Variants in APBB2 observed in about 807,000 individuals in gnomAD.
The protein encoded by APBB2 is Fe65-like 1.
Under a neutral mutation model 82.5 loss-of-function variants are expected in APBB2, and 38 were observed. The observed-to-expected ratio is 0.46, with a 90% CI of 0.36 to 0.60. The LOEUF (loss-of-function observed/expected upper bound fraction) is 0.60, where lower values mean the gene tolerates loss of function less well. Among genes scored for constraint, APBB2 ranks in the 20% least tolerant of loss-of-function variants. The probability of loss-of-function intolerance (pLI) is 0.00; values close to 1 mark genes in which losing one functional copy is unlikely to be tolerated. For synonymous variants in APBB2, 341 were observed against 368.2 expected, an observed-to-expected ratio of 0.93 and a Z score of 0.85; for missense variants, 772 against 972.3, an observed-to-expected ratio of 0.79 and a Z score of 2.74.
chr4:40,960,868 C>T (rs1456178663), intron 6 of APBB2, among the ~76,000 whole-genome samples: 1 of 152,104 alleles, frequency 6.6e-6, no homozygotes, highest in Non-Finnish European at 1.5e-5. Context: ...CATTTCCCAG[C>T]CTCCCTTGCA....
At chr4:40,908,119 G>A (rs933994398) in intron 10 of APBB2, among the ~76,000 whole-genome samples, 2 of 151,866 alleles carry the variant, frequency 1.3e-5, no homozygotes, top group African/African-American at 4.8e-5. Flanking sequence ...CTTATAAGAG[G>A]AGGAAGAGAC....
intron 5 of APBB2, among the ~76,000 whole-genome samples, chr4:41,028,125 C>A (rs1715209994): frequency 6.6e-6 from 1 of 152,254 alleles, no homozygotes. Context: ...CCTTCCCCTA[C>A]ACCCATTCAA....
chr4:40,898,845 ACACACACACT>A (rs1461040478), intron 10 of APBB2, among the ~76,000 whole-genome samples: 2 of 103,480 alleles, frequency 1.9e-5, no homozygotes, highest in African/African-American at 3.3e-5. Context: ...AAAAAGAAAC[ACACACACACT>A]CACACACACA....
chr4:41,159,980 A>G (rs1432272159), intron 1 of APBB2, among the ~76,000 whole-genome samples: 5 of 135,464 alleles, frequency 3.7e-5, no homozygotes, highest in Admixed American at 7.1e-5. Context: ...AAGAAGAAGA[A>G]GAAGAAGAAG....
chr4:41,015,990 T>TTTC (rs1288907024), intron 5 of APBB2, among the ~76,000 whole-genome samples: 14 of 152,240 alleles, frequency 9.2e-5, no homozygotes, highest in Admixed American at 6.5e-5. Context: ...GGGAAACATG[T>TTTC]TTCAATTTAT....
chr4:41,053,022 T>A (rs1310508744), intron 4 of APBB2, among the ~76,000 whole-genome samples: 1 of 152,136 alleles, frequency 6.6e-6, no homozygotes, highest in Non-Finnish European at 1.5e-5. Flanking sequence ...GCCTTGGCCT[T>A]CCAAAGTGCT....
intron 5 of APBB2, among the ~76,000 whole-genome samples, chr4:41,028,873 C>T (rs982318815): frequency 9.2e-5 from 14 of 152,206 alleles, no homozygotes; most frequent in African/African-American, 3.1e-4. Flanking sequence ...CTAATACAAA[C>T]CTGTGCTGCA....
At chr4:41,205,434 T>A (rs1200677968) in intron 1 of APBB2, among the ~76,000 whole-genome samples, 1 of 152,176 alleles carries the variant, frequency 6.6e-6, no homozygotes, top group Non-Finnish European at 1.5e-5. Flanking sequence ...AGGAAAATCA[T>A]AAATATAATT....
intron 6 of APBB2, among the ~76,000 whole-genome samples, chr4:41,004,937 A>AGG (rs1022067175): frequency 5.9e-5 from 9 of 152,010 alleles, no homozygotes; most frequent in Non-Finnish European, 1.3e-4. Context: ...GAACAAATTC[A>AGG]CAAATTCTTG....
intron 12 of APBB2, among the ~76,000 whole-genome samples, chr4:40,869,641 G>T (rs986572024): frequency 2.0e-5 from 3 of 152,000 alleles, no homozygotes; most frequent in Non-Finnish European, 4.4e-5. Flanking sequence ...TAAAGGGACC[G>T]CTCTATAAAC....
intron 2 of APBB2, among the ~76,000 whole-genome samples, chr4:41,105,885 CAA>C (rs34109241): frequency 1.6e-4 from 18 of 114,464 alleles, no homozygotes; most frequent in Middle Eastern, 5.2e-3. Flanking sequence ...GACCCCGTCT[CAA>C]AAAAAAAAAA....
At chr4:41,205,817 AATT>A (rs1321689739) in intron 1 of APBB2, among the ~76,000 whole-genome samples, 2 of 152,208 alleles carry the variant, frequency 1.3e-5, no homozygotes, top group Non-Finnish European at 2.9e-5. Context: ...ATATAAGCAC[AATT>A]AGTATTCCTA....
At chr4:40,950,210 C>A (rs929435368) in intron 6 of APBB2, among the ~76,000 whole-genome samples, 4 of 152,208 alleles carry the variant, frequency 2.6e-5, no homozygotes, top group African/African-American at 9.6e-5. Flanking sequence ...GCATGTAGAA[C>A]AACAGGATCT....
chr4:40,871,140 C>T (rs1424275870), intron 12 of APBB2, among the ~76,000 whole-genome samples: 7 of 152,050 alleles, frequency 4.6e-5, no homozygotes, highest in South Asian at 2.1e-4. Context: ...CCTACTACCC[C>T]GCACCCGTTT....
chr4:40,946,255 C>G (rs7377846), intron 6 of APBB2, among the ~76,000 whole-genome samples: 51,025 of 101,478 alleles, frequency 0.5, 11,657 homozygotes, highest in Non-Finnish European at 0.58. Flanking sequence ...AAAAAAAAAA[C>G]ATTCCCAAGG....
At chr4:41,136,609 C>T (rs1757638162) in intron 2 of APBB2, among the ~76,000 whole-genome samples, 1 of 152,098 alleles carries the variant, frequency 6.6e-6, no homozygotes, top group African/African-American at 2.4e-5. Context: ...GCAGATAAGC[C>T]ATCCTGAGAA....
intron 6 of APBB2, among the ~76,000 whole-genome samples, chr4:41,007,212 G>A (rs759369721): frequency 3.3e-5 from 5 of 151,942 alleles, no homozygotes; most frequent in Admixed American, 6.6e-5. Context: ...TAAGACTGGT[G>A]TCTTTATGAG....
chr4:41,082,366 C>T (rs2153934907), intron 3 of APBB2, among the ~76,000 whole-genome samples: 1 of 152,148 alleles, frequency 6.6e-6, no homozygotes, highest in Non-Finnish European at 1.5e-5. Flanking sequence ...CGGGGGGTGT[C>T]CTATTTAACT....
intron 10 of APBB2, among the ~76,000 whole-genome samples, chr4:40,916,599 C>A (rs1215379642): frequency 1.3e-5 from 2 of 152,192 alleles, no homozygotes; most frequent in Admixed American, 6.5e-5. Context: ...AGGTAACATA[C>A]CCGTGTCTCT....
Sources: gnomAD v4.1 joint callset for allele counts (sites outside exome capture counted in the v4.1 genomes callset) on GRCh38, gnomAD v4.1.1 for gene constraint, MANE v1.5 for transcripts, NCBI Gene and HGNC (gene_info 2026-07-23, HGNC 2026-07-21) for gene names.